Variants in SLC22A9 observed in about 807,000 individuals in gnomAD.
The protein encoded by SLC22A9 is organic anion transporter 7.
Under a neutral mutation model 50.1 loss-of-function variants are expected in SLC22A9, and 64 were observed. The observed-to-expected ratio is 1.28, with a 90% CI of 1.04 to 1.57. The LOEUF (loss-of-function observed/expected upper bound fraction) is 1.57. Among genes scored for constraint, SLC22A9 ranks in the 40% most tolerant of loss-of-function variants. The pLI, the probability that SLC22A9 is intolerant of heterozygous loss-of-function variation, is 0.00. For missense variants in SLC22A9, 757 were observed against 676.1 expected, an observed-to-expected ratio of 1.12 and a Z score of -1.33; for synonymous variants, 261 against 242.5, an observed-to-expected ratio of 1.08 and a Z score of -0.71.
chr11:63,408,322 T>C, intron 8 of SLC22A9, 102 bp downstream of exon 8: 21 of 945,294 alleles, frequency 2.2e-5, no homozygotes, highest in Non-Finnish European at 3.3e-6. Flanking sequence ...ATTAAGAAAA[T>C]AAATCATAAC....
intron 6 of SLC22A9, among the ~76,000 whole-genome samples, chr11:63,394,740 C>G (rs1489092859): frequency 1.3e-5 from 2 of 152,102 alleles, no homozygotes; most frequent in Non-Finnish European, 2.9e-5. Flanking sequence ...CACAGGAGTT[C>G]TTTGTGCTTC....
At chr11:63,375,861 A>G in intron 5 of SLC22A9, 93 bp downstream of exon 5, 1 of 1,484,362 alleles carries the variant, frequency 6.7e-7, no homozygotes, top group Non-Finnish European at 9.1e-7. Context: ...TAAAAAAAGG[A>G]AAGAAACACA....
At chr11:63,371,330 A>G (rs528147775) in intron 2 of SLC22A9, 92 bp downstream of exon 2, 2 of 1,046,548 alleles carry the variant, frequency 1.9e-6, no homozygotes, top group South Asian at 3.1e-5. Context: ...TGCAAATTAC[A>G]TTCTCCTGAG....
At chr11:63,398,557 G>T (rs965638212) in intron 6 of SLC22A9, among the ~76,000 whole-genome samples, 2 of 152,154 alleles carry the variant, frequency 1.3e-5, no homozygotes, top group African/African-American at 2.4e-5. Context: ...TCCCTCCATG[G>T]TTGCTGGCTG....
chr11:63,410,074 A>G lies in SLC22A9; in HGVS notation c.*212A>G, dbSNP rs2015113954. 1 of 421,796 alleles carries G rather than the reference A, an allele frequency of 2.4e-6. No homozygotes were observed. The allele number at this position is 421,796 out of a possible 1,614,324, so 26.1% of individuals were successfully genotyped here. ...GCCAACATGGTGAAACCCTGTCTCT[A>G]CTAAAACAAATACAAAACTTCGCTG... On this transcript the variant is annotated 3_prime_UTR_variant, in exon 10 of 10. Transcript: ENST00000279178.
chr11:63,395,985 G>A (rs2014848347), intron 6 of SLC22A9, among the ~76,000 whole-genome samples: 1 of 152,014 alleles, frequency 6.6e-6, no homozygotes, highest in African/African-American at 2.4e-5. Flanking sequence ...GGGAAGTGGG[G>A]GAAAGCCCAC....
chr11:63,406,691 CCAT>C lies in SLC22A9; in HGVS notation c.1272_1274del (p.Ile425del). 6.2e-7 allele frequency: 1 copy of C among 1,613,498 alleles called. No homozygotes were observed. The highest frequency in any genetic ancestry group is 8.5e-7 in the Non-Finnish European group (1 of 1,179,718). On this transcript the variant is annotated inframe_deletion, in exon 7 of 10. Transcript: ENST00000279178. ...TTCCTACTGGCAATCTGCCTTCTGG[CCAT>C]CATATTTGTGCCACAAGGTGAGAAA...
intron 6 of SLC22A9, among the ~76,000 whole-genome samples, chr11:63,386,807 G>A (rs144252234): frequency 1.9e-3 from 289 of 151,324 alleles, no homozygotes; most frequent in Non-Finnish European, 3.5e-3. Context: ...GAAGGGTTTT[G>A]TGTTGTTGTT....
chr11:63,374,177 C>T (rs1043034932), intron 4 of SLC22A9, 115 bp downstream of exon 4: 2 of 997,308 alleles, frequency 2.0e-6, no homozygotes, highest in South Asian at 2.0e-5. Context: ...CACGTCCTCT[C>T]ATAATCTGTG....
intron 6 of SLC22A9, among the ~76,000 whole-genome samples, chr11:63,392,030 C>T (rs1242440026): frequency 6.6e-6 from 1 of 152,006 alleles, no homozygotes; most frequent in East Asian, 1.9e-4. Flanking sequence ...ATATCTTTAA[C>T]CCATAATTTT....
At chr11:63,381,263 A>C (rs949807396) in intron 5 of SLC22A9, among the ~76,000 whole-genome samples, 3 of 152,178 alleles carry the variant, frequency 2.0e-5, no homozygotes, top group Non-Finnish European at 4.4e-5. Flanking sequence ...CCCAGATCAC[A>C]TATAACCCAG....
Position 63,370,071 on chromosome 11 carries a change from C to A in SLC22A9, c.15C>A (p.Asp5Glu). The A allele has an allele frequency of 6.2e-7, 1 of 1,611,852 alleles. No homozygotes were observed. Among genetic ancestry groups the A allele is most frequent in the Non-Finnish European group, 8.5e-7 (1 of 1,178,780 alleles). ...GTTCAACCTCAATGGCCTTTCAGGA[C>A]CTCCTGGGTCACGCTGGTGACCTGT... Reference protein sequence around the residue: MAFQDLLGHAGDLWR... With the variant: MAFQELLGHAGDLWR... The change falls in exon 1 of 10, where the codon GAC becomes GAA. Residue 5 changes from aspartate to glutamate, a missense_variant. Transcript: ENST00000279178.
chr11:63,395,572 C>T (rs1049423482), intron 6 of SLC22A9, among the ~76,000 whole-genome samples: 1 of 152,156 alleles, frequency 6.6e-6, no homozygotes, highest in South Asian at 2.1e-4. Context: ...TTTGAACTGT[C>T]TATTGGTCTC....
Position 63,369,858 on chromosome 11 carries a change from ACCTATCTGAC to A in SLC22A9, c.-196_-187del. ...TTACGTGACTTTAGAGAAAACGGCT[ACCTATCTGAC>A]CCCAAAACGACTTGAGGAAACTGTT... is the stretch of plus-strand genomic sequence containing the variant. On this transcript the variant is annotated 5_prime_UTR_variant, in exon 1 of 10. Coordinates refer to ENST00000279178, the MANE Select transcript of SLC22A9 (RefSeq NM_080866.3). 1.4e-5 allele frequency: 7 copies of A among 512,140 alleles called. No individual in the cohort carries two copies. The South Asian group carries it at 2.4e-4, about 18-fold the overall frequency. The allele number at this position is 512,140 out of a possible 1,614,324, so 31.7% of individuals were successfully genotyped here. A position where few individuals can be genotyped will look rare whatever the true frequency, so the allele number is the denominator to read the frequency against.
intron 2 of SLC22A9, among the ~76,000 whole-genome samples, chr11:63,372,101 C>A (rs1259856324): frequency 1.3e-5 from 2 of 152,048 alleles, no homozygotes; most frequent in Non-Finnish European, 2.9e-5. Flanking sequence ...GCAGATAGAC[C>A]AATTTTAATA....
intron 6 of SLC22A9, among the ~76,000 whole-genome samples, chr11:63,399,459 T>A (rs12290345): frequency 6.6e-6 from 1 of 151,762 alleles, no homozygotes; most frequent in East Asian, 1.9e-4. Context: ...ACAAAGGAGA[T>A]CATTATATAA....
intron 6 of SLC22A9, among the ~76,000 whole-genome samples, chr11:63,388,517 T>G (rs2014707720): frequency 6.6e-6 from 1 of 152,162 alleles, no homozygotes; most frequent in Admixed American, 6.6e-5. Flanking sequence ...ATCTGTGGGA[T>G]AAATTCCCCT....
intron 6 of SLC22A9, among the ~76,000 whole-genome samples, chr11:63,388,023 C>G (rs983020597): frequency 5.3e-5 from 8 of 151,854 alleles, no homozygotes; most frequent in African/African-American, 1.7e-4. Flanking sequence ...GAATTTGTAT[C>G]CTGCAACTTT....
At chr11:63,380,901 A>C (rs1390264753) in intron 5 of SLC22A9, among the ~76,000 whole-genome samples, 8 of 152,152 alleles carry the variant, frequency 5.3e-5, no homozygotes, top group Admixed American at 5.2e-4. Flanking sequence ...CATTGGAATC[A>C]AAAAAGAATG....
Sources: gnomAD v4.1 joint callset for allele counts (sites outside exome capture counted in the v4.1 genomes callset) on GRCh38, gnomAD v4.1.1 for gene constraint, MANE v1.5 for transcripts, NCBI Gene and HGNC (gene_info 2026-07-23, HGNC 2026-07-21) for gene names.